The following AGBL1 variants were observed in gnomAD, a reference collection of about 807,000 sequenced individuals.
The protein encoded by AGBL1 is cytosolic carboxypeptidase 4.
A neutral mutation model predicts 118.9 loss-of-function variants in AGBL1; 130 were observed. The ratio of observed to expected loss-of-function variants is 1.09; its 90% CI spans 0.95 to 1.26. The LOEUF (loss-of-function observed/expected upper bound fraction) is 1.26, where lower values mean the gene tolerates loss of function less well. AGBL1 is among the 50% of genes most tolerant of loss of function. AGBL1 has a pLI of 0.00. For missense variants in AGBL1, 1,584 were observed against 1,298.1 expected, an observed-to-expected ratio of 1.22 and a Z score of -3.38; for synonymous variants, 555 against 478.9, an observed-to-expected ratio of 1.16 and a Z score of -2.08.
chr15:86,970,250 A>G (rs771353574), intron 23 of AGBL1, among the ~76,000 whole-genome samples: 1 of 151,694 alleles, frequency 6.6e-6, no homozygotes, highest in Non-Finnish European at 1.5e-5. Flanking sequence ...AAAGAAAGAA[A>G]CCCCAATTTC....
At chr15:86,891,944 C>T (rs1311826619) in intron 22 of AGBL1, among the ~76,000 whole-genome samples, 1 of 152,138 alleles carries the variant, frequency 6.6e-6, no homozygotes, top group Non-Finnish European at 1.5e-5. Context: ...CAATGGGCCA[C>T]TCAGTACTCA....
intron 17 of AGBL1, among the ~76,000 whole-genome samples, chr15:86,310,217 A>G (rs2079899129): frequency 6.6e-6 from 1 of 152,190 alleles, no homozygotes; most frequent in Non-Finnish European, 1.5e-5. Context: ...GTTGCCACAG[A>G]ATTGTTCATA....
chr15:86,321,957 G>A (rs1303317949), intron 17 of AGBL1, among the ~76,000 whole-genome samples: 1 of 151,784 alleles, frequency 6.6e-6, no homozygotes, highest in African/African-American at 2.4e-5. Flanking sequence ...TTTCAAGTAT[G>A]TTCTGGTTAT....
At chr15:87,018,435 C>T (rs916306863) in intron 24 of AGBL1, among the ~76,000 whole-genome samples, 3 of 152,040 alleles carry the variant, frequency 2.0e-5, no homozygotes, top group African/African-American at 7.2e-5. Context: ...ATCCTACAAG[C>T]CAGAAGATAT....
chr15:86,784,325 T>G (rs1046175998), intron 22 of AGBL1, among the ~76,000 whole-genome samples: 5 of 152,220 alleles, frequency 3.3e-5, no homozygotes, highest in African/African-American at 1.2e-4. Flanking sequence ...TAATTTGCTT[T>G]GTGAACTGGT....
intron 22 of AGBL1, among the ~76,000 whole-genome samples, chr15:86,885,127 T>TACAC (rs10673833): frequency 0.84 from 127,115 of 151,842 alleles, 53,419 homozygotes; most frequent in East Asian, 0.93. Flanking sequence ...TAACTTTACA[T>TACAC]ACATATACTG....
At chr15:86,092,309 T>C (rs1057428206) in intron 1 of AGBL1, among the ~76,000 whole-genome samples, 1 of 152,180 alleles carries the variant, frequency 6.6e-6, no homozygotes, top group African/African-American at 2.4e-5. Context: ...CAAATAGTTA[T>C]AAAGCATTAT....
At chr15:87,006,750 C>A (rs2141772288) in intron 24 of AGBL1, among the ~76,000 whole-genome samples, 1 of 152,302 alleles carries the variant, frequency 6.6e-6, no homozygotes, top group Non-Finnish European at 1.5e-5. Context: ...ATGCAGAAAT[C>A]ACCCGTCTTC....
rs556032879 is a variant in AGBL1, at chr15:86,191,904, T to TA, written c.488+32891dup. 9.2e-3 allele frequency among the ~76,000 whole-genome samples: 1,255 copies of TA among 135,890 alleles called. 16 individuals are homozygous for TA. Among genetic ancestry groups the TA allele is most frequent in the African/African-American group, 0.028 (984 of 35,738 alleles). The allele number at this position is 135,890 out of a possible 152,430, so 89.1% of individuals were successfully genotyped here. On this transcript the variant is annotated intron_variant, in intron 5 of 22. Transcript: ENST00000614907. Reference sequence around the variant, plus strand: ...CCTGGGCAACATAGACCCTGTCTCTTAAAAAAAAAAAAACAAAAAAAACCA... The same window carrying TA: ...CCTGGGCAACATAGACCCTGTCTCTTAAAAAAAAAAAAAACAAAAAAAACCA...
At chr15:86,708,659 A>G (rs1255260825) in intron 22 of AGBL1, among the ~76,000 whole-genome samples, 1 of 152,166 alleles carries the variant, frequency 6.6e-6, no homozygotes, top group Non-Finnish European at 1.5e-5. Context: ...ATTATAGATG[A>G]AGACACTGAT....
At chr15:86,082,736 T>G (rs1286424384) in intron 1 of AGBL1, among the ~76,000 whole-genome samples, 1 of 152,220 alleles carries the variant, frequency 6.6e-6, no homozygotes, top group Non-Finnish European at 1.5e-5. Flanking sequence ...TTTATCTCTG[T>G]CCCGAAGGTC....
intron 3 of AGBL1, 106 bp from the exon 4 acceptor site, chr15:86,154,324 A>T: frequency 1.5e-6 from 2 of 1,296,762 alleles, no homozygotes; most frequent in Non-Finnish European, 2.1e-6. Flanking sequence ...GTCTTTGGCT[A>T]TGATTATCCT....
chr15:86,437,339 T>C (rs1269600640), intron 18 of AGBL1, among the ~76,000 whole-genome samples: 1 of 152,162 alleles, frequency 6.6e-6, no homozygotes, highest in Non-Finnish European at 1.5e-5. Context: ...ACTTCTTCTC[T>C]CCAATAGAGA....
At chr15:86,754,126 T>C (rs1190437317) in intron 22 of AGBL1, among the ~76,000 whole-genome samples, 1 of 152,142 alleles carries the variant, frequency 6.6e-6, no homozygotes, top group Non-Finnish European at 1.5e-5. Flanking sequence ...GAGCTCTAAC[T>C]ATAATATATT....
At chr15:86,390,132 A>C (rs916617165) in intron 17 of AGBL1, among the ~76,000 whole-genome samples, 2 of 152,206 alleles carry the variant, frequency 1.3e-5, no homozygotes, top group Admixed American at 1.3e-4. Context: ...CACACAAAGG[A>C]GACATTAAGG....
intron 15 of AGBL1, among the ~76,000 whole-genome samples, chr15:86,278,425 G>A (rs1988583): frequency 0.21 from 32,085 of 151,918 alleles, 3,637 homozygotes; most frequent in Non-Finnish European, 0.25. Flanking sequence ...GCTTCCCTTA[G>A]TCCCATTCCG....
At chr15:86,446,781 A>T (rs557368590) in intron 18 of AGBL1, among the ~76,000 whole-genome samples, 2 of 152,310 alleles carry the variant, frequency 1.3e-5, no homozygotes, top group East Asian at 3.9e-4. Context: ...TTTATTTTAG[A>T]TGAGGTTACA....
At chr15:86,767,633 A>G (rs1411180332) in intron 22 of AGBL1, among the ~76,000 whole-genome samples, 1 of 151,938 alleles carries the variant, frequency 6.6e-6, no homozygotes, top group East Asian at 1.9e-4. Context: ...ATTTCTTTCA[A>G]CACTTTCCCA....
intron 5 of AGBL1, among the ~76,000 whole-genome samples, chr15:86,160,284 C>A (rs1317238546): frequency 1.3e-5 from 2 of 151,524 alleles, no homozygotes; most frequent in East Asian, 3.9e-4. Flanking sequence ...ACTCAGGGAC[C>A]AAAAAAATTT....
Sources: allele counts gnomAD v4.1 joint callset (sites outside exome capture counted in the v4.1 genomes callset), GRCh38; gene constraint gnomAD v4.1.1; transcripts MANE v1.5; gene names NCBI Gene and HGNC (gene_info 2026-07-23, HGNC 2026-07-21).